Variants in NDUFAF2 observed in about 807,000 individuals in gnomAD.
The protein encoded by NDUFAF2 is NADH:ubiquinone oxidoreductase complex assembly factor 2.
Under a neutral mutation model 22.8 loss-of-function variants are expected in NDUFAF2, and 13 were observed. The observed-to-expected ratio is 0.57, with a 90% CI of 0.37 to 0.91. The LOEUF is 0.91. NDUFAF2 is among the 40% of genes least tolerant of loss of function. The pLI is 0.01. For synonymous variants in NDUFAF2, 53 were observed against 64.2 expected (o/e 0.83, Z 0.84); for missense variants, 162 against 195.2 (o/e 0.83, Z 1.01).
At chr5:61,036,977 C>T (rs776755602) in intron 1 of NDUFAF2, among the ~76,000 whole-genome samples, 20 of 152,034 alleles carry the variant, frequency 1.3e-4, no homozygotes, top group Admixed American at 2.0e-4. Flanking sequence ...AAGCAAATAG[C>T]ACACCATCCT....
At chr5:61,098,780 C>T (rs1374510329) in intron 2 of NDUFAF2, among the ~76,000 whole-genome samples, 5 of 152,140 alleles carry the variant, frequency 3.3e-5, no homozygotes, top group Admixed American at 3.3e-4. Flanking sequence ...ACACATATCA[C>T]CACCAACCAT....
chr5:61,128,228 TA>T (rs1229370147), intron 3 of NDUFAF2, among the ~76,000 whole-genome samples: 1 of 152,140 alleles, frequency 6.6e-6, no homozygotes, highest in Non-Finnish European at 1.5e-5. Flanking sequence ...CTGCCCAAGG[TA>T]ATTTATAGAT....
chr5:61,147,742 T>A (rs943933850), intron 3 of NDUFAF2, among the ~76,000 whole-genome samples: 1 of 152,166 alleles, frequency 6.6e-6, no homozygotes, highest in African/African-American at 2.4e-5. Context: ...AGTAACTGAA[T>A]TTTTTATTTA....
chr5:61,026,959 G>A (rs1239048534), intron 1 of NDUFAF2, among the ~76,000 whole-genome samples: 1 of 151,586 alleles, frequency 6.6e-6, no homozygotes, highest in African/African-American at 2.4e-5. Context: ...TGGGCAGTGT[G>A]TACTTTTAAC....
intron 1 of NDUFAF2, among the ~76,000 whole-genome samples, chr5:61,031,294 A>G (rs899319805): frequency 7.2e-5 from 11 of 151,944 alleles, no homozygotes; most frequent in African/African-American, 1.9e-4. Flanking sequence ...TTGTAATGCT[A>G]TTCCTCTCCT....
At chr5:60,993,809 G>C (rs1384289386) in intron 1 of NDUFAF2, among the ~76,000 whole-genome samples, 2 of 152,198 alleles carry the variant, frequency 1.3e-5, no homozygotes, top group Non-Finnish European at 2.9e-5. Context: ...GCTCAGCTCT[G>C]GCTGAGCCCA....
At chr5:61,118,812 GA>G (rs1752943684) in intron 3 of NDUFAF2, among the ~76,000 whole-genome samples, 1 of 152,134 alleles carries the variant, frequency 6.6e-6, no homozygotes, top group Non-Finnish European at 1.5e-5. Flanking sequence ...GATATATAGA[GA>G]TATTGTAAAA....
At chr5:60,967,375 T>C (rs1750771547) in intron 1 of NDUFAF2, among the ~76,000 whole-genome samples, 1 of 152,086 alleles carries the variant, frequency 6.6e-6, no homozygotes, top group East Asian at 1.9e-4. Flanking sequence ...TCTGGTACTA[T>C]GTTGAATACA....
intron 1 of NDUFAF2, among the ~76,000 whole-genome samples, chr5:61,003,645 CTTTTTTTT>C (rs33941286): frequency 2.5e-5 from 3 of 121,766 alleles, no homozygotes; most frequent in Non-Finnish European, 5.1e-5. Flanking sequence ...AAAATCTATA[CTTTTTTTT>C]TTTTTTTTTT....
intron 3 of NDUFAF2, among the ~76,000 whole-genome samples, chr5:61,119,328 ACCTGC>A (rs1752949996): frequency 6.6e-6 from 1 of 152,176 alleles, no homozygotes; most frequent in South Asian, 2.1e-4. Context: ...GTACATACCA[ACCTGC>A]CCTGGACACT....
intron 1 of NDUFAF2, among the ~76,000 whole-genome samples, chr5:60,997,772 G>A (rs568579409): frequency 6.6e-6 from 1 of 152,180 alleles, no homozygotes; most frequent in African/African-American, 2.4e-5. Flanking sequence ...TCCCTCCATT[G>A]TGCTTGGATT....
At chr5:61,038,560 A>T (rs536626381) in intron 1 of NDUFAF2, among the ~76,000 whole-genome samples, 38 of 152,280 alleles carry the variant, frequency 2.5e-4, no homozygotes, top group African/African-American at 9.1e-4. Context: ...TATTTGAGGT[A>T]TTATTAGGAG....
intron 3 of NDUFAF2, among the ~76,000 whole-genome samples, chr5:61,127,067 C>T (rs1753045928): frequency 6.6e-6 from 1 of 151,888 alleles, no homozygotes; most frequent in Non-Finnish European, 1.5e-5. Flanking sequence ...ACACATACAC[C>T]CTCCCAAGAC....
chr5:61,032,342 G>C (rs192211), intron 1 of NDUFAF2, among the ~76,000 whole-genome samples: 3 of 152,142 alleles, frequency 2.0e-5, no homozygotes, highest in Admixed American at 1.3e-4. Context: ...TTTTCTTCTA[G>C]GGTTTTTATG....
chr5:61,082,418 T>C (rs1752454720), intron 2 of NDUFAF2, among the ~76,000 whole-genome samples: 1 of 152,110 alleles, frequency 6.6e-6, no homozygotes, highest in Admixed American at 6.6e-5. Context: ...CTTTTTTCTT[T>C]CTTTCTTTTT....
At chr5:61,053,462 C>T (rs1307830773) in intron 1 of NDUFAF2, among the ~76,000 whole-genome samples, 2 of 152,098 alleles carry the variant, frequency 1.3e-5, no homozygotes, top group Admixed American at 6.5e-5. Context: ...GAATAGATGG[C>T]CCAGCAATCA....
At chr5:60,951,378 C>T (rs555568066) in intron 1 of NDUFAF2, among the ~76,000 whole-genome samples, 4 of 152,266 alleles carry the variant, frequency 2.6e-5, no homozygotes, top group Admixed American at 2.6e-4. Flanking sequence ...ATGGTTAGAA[C>T]CACTGTTTAT....
At chr5:60,992,732 G>C (rs1341930774) in intron 1 of NDUFAF2, among the ~76,000 whole-genome samples, 1 of 151,944 alleles carries the variant, frequency 6.6e-6, no homozygotes, top group Non-Finnish European at 1.5e-5. Context: ...AAACCCCTCA[G>C]CTTTTTTTTT....
chr5:60,959,499 A>T (rs1269721030), intron 1 of NDUFAF2, among the ~76,000 whole-genome samples: 3 of 152,084 alleles, frequency 2.0e-5, no homozygotes, highest in Admixed American at 1.3e-4. Context: ...TGAAGAATGG[A>T]TAAAAAAATT....
Sources: gnomAD v4.1 joint callset for allele counts (sites outside exome capture counted in the v4.1 genomes callset) on GRCh38, gnomAD v4.1.1 for gene constraint, MANE v1.5 for transcripts, NCBI Gene and HGNC (gene_info 2026-07-23, HGNC 2026-07-21) for gene names.